SEC22C: variants seen among roughly 807,000 people sequenced by gnomAD.
The protein encoded by SEC22C is vesicle-trafficking protein SEC22c.
A neutral mutation model predicts 34.7 loss-of-function variants in SEC22C; 29 were observed. The observed-to-expected ratio is 0.84, with a 90% CI of 0.62 to 1.14. SEC22C has a LOEUF of 1.14. Ranked by LOEUF, SEC22C falls within the 50% of genes most tolerant of loss-of-function variation. The pLI is 0.00. For synonymous variants in SEC22C, 117 were observed against 132.8 expected (o/e 0.88, Z 0.82); for missense variants, 337 against 369.0 (o/e 0.91, Z 0.71).
chr3:42,599,370 G>A (rs931627774), intron 1 of SEC22C, among the ~76,000 whole-genome samples: 1 of 151,760 alleles, frequency 6.6e-6, no homozygotes, highest in Non-Finnish European at 1.5e-5. Context: ...CACATATATG[G>A]TCACAAGGCG....
At chr3:42,581,134 T>C (rs753583334) in intron 1 of SEC22C, among the ~76,000 whole-genome samples, 7 of 152,248 alleles carry the variant, frequency 4.6e-5, no homozygotes, top group Non-Finnish European at 1.0e-4. Flanking sequence ...TTCCAGTTGC[T>C]TCCATTTTTC....
At chr3:42,597,334 T>A (rs560003764) in intron 1 of SEC22C, among the ~76,000 whole-genome samples, 1 of 152,238 alleles carries the variant, frequency 6.6e-6, no homozygotes, top group South Asian at 2.1e-4. Flanking sequence ...CGCGGGCAGA[T>A]CACAAGGTCA....
chr3:42,571,755 T>G (rs1360736600), intron 1 of SEC22C, among the ~76,000 whole-genome samples: 1 of 152,226 alleles, frequency 6.6e-6, no homozygotes, highest in African/African-American at 2.4e-5. Flanking sequence ...TCTGGAAAGA[T>G]GAAGTAGAAG....
intron 3 of SEC22C, among the ~76,000 whole-genome samples, 178 bp downstream of exon 3, chr3:42,563,345 T>G (rs1703039122): frequency 6.6e-6 from 1 of 152,242 alleles, no homozygotes. Context: ...TGTTAAACCT[T>G]GACGCTTTCC....
In SEC22C at chr3:42,548,909, T is replaced by C. The variant is rs1702116640; in HGVS notation, c.*4339A>G. ...TCCCACACACAATGGACTCACCCAG[T>C]ATTACCCTCCACTACCACTTTTGAC... On this transcript the variant is annotated 3_prime_UTR_variant, in exon 7 of 7. Transcript: ENST00000264454. 1.4e-5 allele frequency: 19 copies of C among 1,318,382 alleles called. No individual in the cohort carries two copies. The highest frequency in any genetic ancestry group is 1.8e-5 in the Non-Finnish European group (19 of 1,030,024). The allele number at this position is 1,318,382 out of a possible 1,614,324, so 81.7% of individuals were successfully genotyped here.
intron 1 of SEC22C, among the ~76,000 whole-genome samples, chr3:42,573,048 C>T (rs1169301262): frequency 2.0e-5 from 3 of 151,906 alleles, no homozygotes; most frequent in Non-Finnish European, 2.9e-5. Context: ...CACAGGGTCT[C>T]GCTATGTTGC....
Position 42,549,530 on chromosome 3 carries a change from GTCTC to G in SEC22C, c.*3714_*3717del. 1.0e-6 allele frequency: 1 copy of G among 984,108 alleles called. No homozygotes were observed. Among genetic ancestry groups the G allele is most frequent in the Non-Finnish European group, 1.2e-6 (1 of 830,018 alleles). 61.0% of individuals were successfully genotyped at this position (984,108 alleles called of 1,614,324 possible). The stretch of plus-strand genomic sequence containing the variant: ...CAGCCTTGCTGGCCTGCTGGCTATT[GTCTC>G]TGACTCTGAGCTGTGCTGACCACCA... On this transcript the variant is annotated 3_prime_UTR_variant, in exon 7 of 7. Transcript: ENST00000264454.
In SEC22C at chr3:42,590,466, T is replaced by C. The variant is rs184103435; in HGVS notation, c.-28+10494A>G. ...TAATATGGTGAAACCCCGTCTCTAC[T>C]AATACAAAAAATTAGACGGGCGTGG... On this transcript the variant is annotated intron_variant, in intron 1 of 6. Coordinates refer to the SEC22C transcript ENST00000417572. 9.4e-4 allele frequency among the ~76,000 whole-genome samples: 143 copies of C among 152,000 alleles called. 4 individuals carry two copies. In the East Asian group the frequency reaches 0.021, roughly 22 times the overall value.
intron 1 of SEC22C, among the ~76,000 whole-genome samples, 178 bp downstream of exon 1, chr3:42,581,658 GAGAAAGGGGA>G (rs370411696): frequency 5.3e-5 from 8 of 152,380 alleles, no homozygotes; most frequent in African/African-American, 1.9e-4. Context: ...AGGCTGACGG[GAGAAAGGGGA>G]CAGAGGACTC....
At chr3:42,598,137 AG>A (rs1351794471) in intron 1 of SEC22C, among the ~76,000 whole-genome samples, 1 of 152,226 alleles carries the variant, frequency 6.6e-6, no homozygotes, top group African/African-American at 2.4e-5. Context: ...CATTCATAAC[AG>A]TACTATTTAC....
rs1051653067 is a variant in SEC22C, at chr3:42,581,919, C to A, written c.-101G>T. 6.6e-6 allele frequency: 1 copy of A among 152,252 alleles called. No homozygotes were observed. Among genetic ancestry groups the A allele is most frequent in the African/African-American group, 2.4e-5 (1 of 41,402 alleles). The allele number at this position is 152,252 out of a possible 1,614,324, so 9.4% of individuals were successfully genotyped here. A position where few individuals can be genotyped will look rare whatever the true frequency, so the allele number is the denominator to read the frequency against. ...CGCCTCCTCAGCAATCTTAGCCGAC[C>A]GGGAGGGCTCGGCCCAGGTCACCGG... On this transcript the variant is annotated 5_prime_UTR_variant, in exon 1 of 7. Transcript: ENST00000264454.
At chr3:42,583,023 A>C (rs1182535268), upstream of SEC22C, among the ~76,000 whole-genome samples, 1 of 152,250 alleles carries the variant, frequency 6.6e-6, no homozygotes, top group East Asian at 1.9e-4. Context: ...ATTTTACCAC[A>C]AAAAGAAAAG....
chr3:42,560,186 T>TATTATATATATTTTATATATAATATAC (rs1559515113), intron 4 of SEC22C, among the ~76,000 whole-genome samples: 5 of 144,078 alleles, frequency 3.5e-5, no homozygotes, highest in South Asian at 4.2e-4. Flanking sequence ...ATATAATATA[T>TATTATATATATTTTATATATAATATAC]ATATTATATA....
chr3:42,554,537 A>G (rs1702410801), intron 6 of SEC22C, among the ~76,000 whole-genome samples: 1 of 151,834 alleles, frequency 6.6e-6, no homozygotes. Flanking sequence ...TATAATAGAG[A>G]TGGGGTTCCC....
rs1704958006 is a variant in SEC22C at position 42,594,173 on chromosome 3, A to C, written c.-28+6787T>G. On this transcript the variant is annotated intron_variant, in intron 1 of 6. Transcript: ENST00000417572. ...GAATAAAGTAGGTGCGCAAAGATAG[A>C]TCTGGGAGACTAGGTGTCTACTGCA... 2.6e-5 allele frequency among the ~76,000 whole-genome samples: 4 copies of C among 152,254 alleles called. 1 individual carries two copies. In the South Asian group the frequency reaches 8.3e-4, roughly 31 times the overall value.
intron 1 of SEC22C, among the ~76,000 whole-genome samples, chr3:42,571,520 G>GAAGATTTTATAGATTTATA (rs1478898502): frequency 6.6e-6 from 1 of 152,118 alleles, no homozygotes; most frequent in Non-Finnish European, 1.5e-5. Context: ...GATTTTATAG[G>GAAGATTTTATAGATTTATA]CTGCCACGGA....
intron 6 of SEC22C, among the ~76,000 whole-genome samples, chr3:42,554,124 A>C (rs149930136): frequency 6.6e-6 from 1 of 152,064 alleles, no homozygotes; most frequent in Non-Finnish European, 1.5e-5. Context: ...ACATCACTGA[A>C]CATGGATCAA....
intron 1 of SEC22C, chr3:42,591,282 A>T: frequency 1.8e-6 from 1 of 566,738 alleles, no homozygotes; most frequent in Non-Finnish European, 3.1e-6. Context: ...CACTGAAACC[A>T]CCGCTTCCTG....
chr3:42,572,463 G>T (rs1483220441), intron 1 of SEC22C, among the ~76,000 whole-genome samples: 1 of 152,108 alleles, frequency 6.6e-6, no homozygotes, highest in African/African-American at 2.4e-5. Flanking sequence ...GGTAGCATCA[G>T]AGAAGGCCAA....
Sources: gnomAD v4.1 joint callset for allele counts (sites outside exome capture counted in the v4.1 genomes callset) on GRCh38, gnomAD v4.1.1 for gene constraint, MANE v1.5 for transcripts, NCBI Gene and HGNC (gene_info 2026-07-23, HGNC 2026-07-21) for gene names.